The following CNKSR2 variants were observed in gnomAD, a reference collection of about 807,000 sequenced individuals.
CNKSR2 encodes the protein connector enhancer of kinase suppressor of Ras 2, also known as CNK homolog protein 2.
CNKSR2 carries 14 observed loss-of-function variants against 84.4 expected under a neutral mutation model. That is an observed-to-expected ratio of 0.17 (90% confidence interval 0.11 to 0.26). CNKSR2 has a LOEUF of 0.26. Ranked by LOEUF, CNKSR2 falls within the 10% of genes least tolerant of loss-of-function variation. CNKSR2 has a pLI of 1.00. For missense variants in CNKSR2, 485 were observed against 771.2 expected (o/e 0.63, Z 4.40); for synonymous variants, 275 against 277.9 (o/e 0.99, Z 0.10).
intron 15 of CNKSR2, chrX:21,591,861 C>T (rs2092422889): frequency 9.0e-6 from 1 of 111,311 alleles, no homozygotes; most frequent in Non-Finnish European, 1.9e-5. Context: ...CTTTATTCTG[C>T]ATTTGCTTTT....
At chrX:21,475,001 T>A (rs1189952886) in intron 5 of CNKSR2, among the ~76,000 whole-genome samples, 1 of 112,153 alleles carries the variant, frequency 8.9e-6, no homozygotes, top group Admixed American at 9.4e-5. Context: ...ATAACAAATA[T>A]GTGTTAATCA....
At chrX:21,504,520 AGTAAT>A (rs1332172201) in intron 8 of CNKSR2, 6 of 174,190 alleles carry the variant, frequency 3.4e-5, no homozygotes, top group African/African-American at 1.8e-4. Flanking sequence ...GACTATAGGT[AGTAAT>A]GTAAAATATA....
intron 20 of CNKSR2, among the ~76,000 whole-genome samples, chrX:21,617,901 C>A (rs2092585070): frequency 1.2e-5 from 1 of 80,821 alleles, no homozygotes; most frequent in Non-Finnish European, 2.3e-5. Context: ...ACTGCCCCCC[C>A]CACAAACACA....
At chrX:21,445,635 A>G (rs57170560) in intron 4 of CNKSR2, among the ~76,000 whole-genome samples, 9,444 of 110,814 alleles carry the variant, frequency 0.085, 998 homozygotes, top group African/African-American at 0.29. Flanking sequence ...AATAACCACA[A>G]TCTACTCTCT....
chrX:21,475,376 A>G (rs1232949336), intron 5 of CNKSR2, among the ~76,000 whole-genome samples: 1 of 112,173 alleles, frequency 8.9e-6, no homozygotes, highest in Non-Finnish European at 1.9e-5. Context: ...CAAATGAGTA[A>G]GAGTTTCAAA....
intron 11 of CNKSR2, among the ~76,000 whole-genome samples, chrX:21,548,865 T>C (rs2092055847): frequency 8.9e-6 from 1 of 112,141 alleles, no homozygotes; most frequent in Non-Finnish European, 1.9e-5. Context: ...CCAGTAAAAT[T>C]CAGCACCCCT....
chrX:21,506,972 A>G (rs1388272925), intron 8 of CNKSR2, among the ~76,000 whole-genome samples: 2 of 104,959 alleles, frequency 1.9e-5, no homozygotes, highest in Non-Finnish European at 3.8e-5. Context: ...CATCATCCTC[A>G]GTCACCCCCC....
chrX:21,590,515 G>A (rs1231997385), intron 13 of CNKSR2, 57 bp from the exon 14 acceptor site: 3 of 1,078,951 alleles, frequency 2.8e-6, no homozygotes, highest in Non-Finnish European at 3.8e-6. Context: ...GTAGCGTGCT[G>A]GTGCTCTGGA....
chrX:21,591,718 T>C (rs2092422022), intron 15 of CNKSR2: 1 of 110,613 alleles, frequency 9.0e-6, no homozygotes, highest in Admixed American at 9.7e-5. Context: ...TGGGGGGGTA[T>C]ATATATAATA....
intron 4 of CNKSR2, among the ~76,000 whole-genome samples, chrX:21,466,001 A>G (rs2091122601): frequency 8.9e-6 from 1 of 111,994 alleles, no homozygotes; most frequent in African/African-American, 3.2e-5. Context: ...TTCAAGAAAC[A>G]CGCCTCATTT....
At chrX:21,471,853 C>T (rs962888656) in intron 5 of CNKSR2, among the ~76,000 whole-genome samples, 1 of 111,734 alleles carries the variant, frequency 8.9e-6, no homozygotes, top group South Asian at 3.8e-4. Context: ...ACAACTCCCT[C>T]ACGTTGATCT....
intron 8 of CNKSR2, chrX:21,506,319 A>G (rs1332225739): frequency 9.0e-6 from 1 of 111,673 alleles, no homozygotes; most frequent in Non-Finnish European, 1.9e-5. Flanking sequence ...ATGAAGAGAC[A>G]TATACCAAAA....
intron 1 of CNKSR2, among the ~76,000 whole-genome samples, chrX:21,392,470 G>A (rs968767955): frequency 1.3e-4 from 14 of 111,911 alleles, no homozygotes; most frequent in African/African-American, 3.9e-4. Flanking sequence ...AAGCAGGCAT[G>A]CCTTACGTGG....
chrX:21,651,457 T>C (rs1486975707), intron 21 of CNKSR2, among the ~76,000 whole-genome samples: 1 of 111,608 alleles, frequency 9.0e-6, no homozygotes, highest in African/African-American at 3.3e-5. Flanking sequence ...CCCTCTTCCA[T>C]ATTCTGGTCT....
intron 11 of CNKSR2, among the ~76,000 whole-genome samples, chrX:21,545,305 G>A (rs956627801): frequency 4.5e-5 from 5 of 111,976 alleles, no homozygotes; most frequent in Non-Finnish European, 7.5e-5. Flanking sequence ...CCACAACCTC[G>A]GCAAAGCCAC....
At chrX:21,403,252 C>T (rs973052149) in intron 1 of CNKSR2, among the ~76,000 whole-genome samples, 1 of 111,227 alleles carries the variant, frequency 9.0e-6, no homozygotes, top group Admixed American at 9.6e-5. Context: ...AATCAGTTCT[C>T]CCTCAGTATT....
intron 4 of CNKSR2, among the ~76,000 whole-genome samples, chrX:21,458,215 A>G (rs143525428): frequency 0.01 from 1,146 of 112,773 alleles, 13 homozygotes; most frequent in African/African-American, 0.035. Context: ...ATTTAAATCA[A>G]TTAAAATTAA....
intron 15 of CNKSR2, chrX:21,592,922 T>C (rs1286923623): frequency 9.2e-6 from 1 of 108,748 alleles, no homozygotes; most frequent in African/African-American, 3.4e-5. Context: ...GTCTGCCACA[T>C]ACTAGATTAT....
rs1179824648 is a variant in CNKSR2 at position 21,499,554 on chromosome X, AATAG to A, written c.741+1712_741+1715del. ...TCATATTACTCACTAATGTTTCATA[AATAG>A]ATAAGTGATCAAAAGAGAGATTGAG... On this transcript the variant is annotated intron_variant, in intron 7 of 21. Coordinates refer to ENST00000379510, the MANE Select transcript of CNKSR2 (RefSeq NM_014927.5). 2.7e-5 allele frequency among the ~76,000 whole-genome samples: 3 copies of A among 111,652 alleles called. No homozygotes were observed. The East Asian group carries it at 8.4e-4, about 31-fold the overall frequency.
Sources: allele counts gnomAD v4.1 joint callset (sites outside exome capture counted in the v4.1 genomes callset), GRCh38; gene constraint gnomAD v4.1.1; transcripts MANE v1.5; gene names NCBI Gene and HGNC (gene_info 2026-07-23, HGNC 2026-07-21).